NFASC: variants seen among roughly 807,000 people sequenced by gnomAD.
NFASC encodes the protein neurofascin, also known as neurofascin homolog.
A neutral mutation model predicts 147.5 loss-of-function variants in NFASC; 43 were observed. That is an observed-to-expected ratio of 0.29 (90% confidence interval 0.23 to 0.38). The LOEUF is 0.38. NFASC is among the 10% of genes least tolerant of loss of function. The probability of loss-of-function intolerance (pLI) is 1.00; values close to 1 mark genes in which losing one functional copy is unlikely to be tolerated. For synonymous variants in NFASC, 622 were observed against 665.5 expected (o/e 0.93, Z 1.01); for missense variants, 1,320 against 1,689.0 (o/e 0.78, Z 3.83).
intron 5 of NFASC, among the ~76,000 whole-genome samples, chr1:204,952,366 C>T (rs990930121): frequency 2.6e-5 from 4 of 152,196 alleles, no homozygotes; most frequent in Admixed American, 6.5e-5. Flanking sequence ...TCTGACTTTC[C>T]GTATAACATT....
chr1:204,910,382 T>C (rs2087067305), intron 1 of NFASC, among the ~76,000 whole-genome samples: 1 of 152,162 alleles, frequency 6.6e-6, no homozygotes, highest in Non-Finnish European at 1.5e-5. Context: ...ATAGAGATAG[T>C]TGATTAATTT....
chr1:204,938,960 T>G (rs1054744880), intron 2 of NFASC, among the ~76,000 whole-genome samples: 2 of 151,860 alleles, frequency 1.3e-5, no homozygotes, highest in African/African-American at 4.8e-5. Flanking sequence ...CATTTGGAGT[T>G]TTTATGAAAC....
At chr1:204,837,114 T>C (rs1674005731) in intron 1 of NFASC, among the ~76,000 whole-genome samples, 1 of 152,256 alleles carries the variant, frequency 6.6e-6, no homozygotes, top group Non-Finnish European at 1.5e-5. Context: ...AAAACCCACA[T>C]AGGAACCTGG....
rs752978192 is a variant in NFASC at position 204,975,437 on chromosome 1, C to A, written c.1706+19C>A. 1.2e-6 allele frequency: 2 copies of A among 1,601,278 alleles called. No homozygotes were observed. Among genetic ancestry groups the A allele is most frequent in the South Asian group, 1.1e-5 (1 of 90,668 alleles). ...GAAACAGGTTTCTCTTCCCCCTTCC[C>A]CCTTCCTAGTGCTAGTTTGAGGCGC... is the stretch of plus-strand genomic sequence containing the variant. On this transcript the variant is annotated intron_variant, in intron 15 of 29. Transcript: ENST00000339876. This position sits in a 1 kb window ranked among gnomAD's most constrained non-coding sequence, Gnocchi z 4.0.
intron 24 of NFASC, among the ~76,000 whole-genome samples, chr1:204,992,596 G>C (rs1400843605): frequency 6.6e-6 from 1 of 152,160 alleles, no homozygotes; most frequent in African/African-American, 2.4e-5. Flanking sequence ...CAGGCCTGGG[G>C]AACAGGGTGA....
chr1:204,863,847 CA>C (rs35987665), intron 1 of NFASC, among the ~76,000 whole-genome samples: 17,379 of 61,532 alleles, frequency 0.28, 1,227 homozygotes, highest in East Asian at 0.52. Context: ...GACTCTGTCT[CA>C]AAAAAAAAAA....
At chr1:204,984,552 C>T (rs1050829786) in intron 21 of NFASC, among the ~76,000 whole-genome samples, 4 of 151,928 alleles carry the variant, frequency 2.6e-5, no homozygotes, top group Non-Finnish European at 5.9e-5. Context: ...ATCTTCAGAG[C>T]AGTGTTGAGG....
At chr1:204,993,188 T>C (rs1457398588) in intron 24 of NFASC, among the ~76,000 whole-genome samples, 1 of 152,186 alleles carries the variant, frequency 6.6e-6, no homozygotes, top group East Asian at 1.9e-4. Context: ...TTCCCCAAAC[T>C]GCCCTGTTCA....
At chr1:204,901,567 G>A (rs886355536) in intron 1 of NFASC, among the ~76,000 whole-genome samples, 1 of 152,194 alleles carries the variant, frequency 6.6e-6, no homozygotes, top group Non-Finnish European at 1.5e-5. Context: ...GTTGTGGTGG[G>A]GGAAATCTTG....
intron 1 of NFASC, among the ~76,000 whole-genome samples, chr1:204,903,430 A>C (rs938123027): frequency 6.6e-6 from 1 of 152,228 alleles, no homozygotes; most frequent in Non-Finnish European, 1.5e-5. Flanking sequence ...ATTGAGGTCC[A>C]GTAGGGAAAC....
chr1:204,999,222 T>C (rs1184835718), intron 25 of NFASC: 1 of 152,192 alleles, frequency 6.6e-6, no homozygotes. Context: ...GGTGTTGATA[T>C]TTCACATGCT....
At chr1:204,977,087 T>C (rs1371825822) in intron 16 of NFASC, 2 of 1,212,692 alleles carry the variant, frequency 1.6e-6, no homozygotes, top group South Asian at 3.8e-5. Context: ...GTGATCATTT[T>C]ACCTTTCTTA....
At chr1:204,916,905 T>G (rs2089415950) in intron 1 of NFASC, among the ~76,000 whole-genome samples, 1 of 151,968 alleles carries the variant, frequency 6.6e-6, no homozygotes, top group Non-Finnish European at 1.5e-5. Flanking sequence ...TTTCCTCAGG[T>G]GTAAAATGGG....
Position 205,009,452 on chromosome 1 carries a change from G to C in NFASC, c.3290-105G>C, listed in dbSNP as rs1023839914. 3.2e-6 allele frequency: 4 copies of C among 1,266,244 alleles called. No homozygotes were observed. The African/African-American group carries it at 5.8e-5, about 18-fold the overall frequency. 78.4% of individuals were successfully genotyped at this position (1,266,244 alleles called of 1,614,324 possible). ...TGCTAGGTGGTAGTGTTAGGCTCCA[G>C]GAGAAACATCCACATGAGATAGCTG... On this transcript the variant is annotated intron_variant, in intron 27 of 29. Transcript: ENST00000339876.
chr1:205,006,200 A>G (rs930035900), intron 27 of NFASC, among the ~76,000 whole-genome samples: 1 of 152,232 alleles, frequency 6.6e-6, no homozygotes, highest in Admixed American at 6.5e-5. Context: ...TCAGTATGCC[A>G]GGTTAACTGT....
At chr1:204,898,180 G>A (rs1422316725) in intron 1 of NFASC, among the ~76,000 whole-genome samples, 5 of 152,152 alleles carry the variant, frequency 3.3e-5, no homozygotes, top group Non-Finnish European at 5.9e-5. Context: ...TACTGTGCCC[G>A]GCCTAAAGCC....
At chr1:204,916,266 C>T (rs2089226200) in intron 1 of NFASC, among the ~76,000 whole-genome samples, 1 of 152,230 alleles carries the variant, frequency 6.6e-6, no homozygotes, top group South Asian at 2.1e-4. Context: ...AGGTATCCTT[C>T]CTGGAACCTT....
chr1:204,878,747 G>C (rs1250644549), intron 1 of NFASC, among the ~76,000 whole-genome samples: 1 of 152,354 alleles, frequency 6.6e-6, no homozygotes, highest in Middle Eastern at 3.4e-3. Context: ...CAGTTGGTGT[G>C]TTTTGGAAGA....
Position 204,986,074 on chromosome 1 carries a change from G to A in NFASC, c.2471-1344G>A. ...TTGTGGTCAATGGGAGAGGTGATGGGCCTCGCAGTGAGACCAAGGAGTTCA... is the reference window on the plus strand; with the variant it reads ...TTGTGGTCAATGGGAGAGGTGATGGACCTCGCAGTGAGACCAAGGAGTTCA... On this transcript the variant is annotated intron_variant, in intron 21 of 29. Coordinates refer to ENST00000339876, the MANE Select transcript of NFASC (RefSeq NM_001005388.3). The surrounding 1 kb of genome is among the most constrained non-coding windows in gnomAD (Gnocchi z 4.2). The A allele has an allele frequency of 6.2e-7, 1 of 1,614,184 alleles. No homozygotes were observed. Among genetic ancestry groups the A allele is most frequent in the Non-Finnish European group, 8.5e-7 (1 of 1,180,008 alleles).
Sources: allele counts gnomAD v4.1 joint callset (sites outside exome capture counted in the v4.1 genomes callset), GRCh38; gene constraint gnomAD v4.1.1; non-coding constraint Gnocchi (gnomAD v3.1); transcripts MANE v1.5; gene names NCBI Gene and HGNC (gene_info 2026-07-23, HGNC 2026-07-21).